Variants in JAKMIP2 observed in about 807,000 individuals in gnomAD.
JAKMIP2 encodes janus kinase and microtubule interacting protein 2.
JAKMIP2 carries 25 observed loss-of-function variants against 115.0 expected under a neutral mutation model. That is an observed-to-expected ratio of 0.22 (90% confidence interval 0.16 to 0.30). The LOEUF is 0.30. JAKMIP2 is among the 10% of genes least tolerant of loss of function. JAKMIP2 has a pLI of 1.00. For synonymous variants in JAKMIP2, 334 were observed against 343.6 expected (o/e 0.97, Z 0.31); for missense variants, 642 against 957.6 (o/e 0.67, Z 4.35).
chr5:147,730,448 A>AT (rs10690155), intron 1 of JAKMIP2, among the ~76,000 whole-genome samples: 27,136 of 145,346 alleles, frequency 0.19, 2,702 homozygotes, highest in Admixed American at 0.26. Flanking sequence ...ATCTTGCCCT[A>AT]TTTTTTTTTT....
At chr5:147,705,932 CAGAGT>C (rs1269524023) in intron 1 of JAKMIP2, among the ~76,000 whole-genome samples, 1 of 152,188 alleles carries the variant, frequency 6.6e-6, no homozygotes, top group Non-Finnish European at 1.5e-5. Flanking sequence ...AAGCTTTCTG[CAGAGT>C]AATCTGGCAA....
At position 147,671,654 on chromosome 5, in the gene JAKMIP2, C is replaced by T. The variant is rs150786128; in HGVS notation, c.129+24G>A. ...ACAGCCAGAGCTGCTCTTAATGCCA[C>T]GACCTCAGGTAGCCCTCGCTCACCT... is the stretch of plus-strand genomic sequence containing the variant. On this transcript the variant is annotated intron_variant, in intron 2 of 21. Transcript: ENST00000616793. The T allele has an allele frequency of 8.1e-4, 1,105 of 1,372,114 alleles. 22 individuals are homozygous for T. The East Asian group carries it at 0.019, about 24-fold the overall frequency. 85.0% of individuals were successfully genotyped at this position (1,372,114 alleles called of 1,614,324 possible).
chr5:147,628,965 C>CA (rs1757234763), intron 15 of JAKMIP2, 149 bp from the exon 16 acceptor site: 1 of 564,254 alleles, frequency 1.8e-6, no homozygotes, highest in Admixed American at 3.0e-5. Context: ...TAATTCTGAA[C>CA]AAAGAGTTAA....
At chr5:147,678,749 C>T (rs1157390974) in intron 1 of JAKMIP2, among the ~76,000 whole-genome samples, 3 of 152,038 alleles carry the variant, frequency 2.0e-5, no homozygotes, top group Admixed American at 6.5e-5. Context: ...ACTTATTTCA[C>T]ATTGCATGCC....
intron 1 of JAKMIP2, among the ~76,000 whole-genome samples, chr5:147,733,716 T>A (rs1753817719): frequency 6.6e-6 from 1 of 152,182 alleles, no homozygotes; most frequent in Admixed American, 6.5e-5. Context: ...CATGCAGTGT[T>A]CGGTTTTCTG....
At chr5:147,731,862 C>T (rs932661943) in intron 1 of JAKMIP2, among the ~76,000 whole-genome samples, 7 of 152,176 alleles carry the variant, frequency 4.6e-5, no homozygotes, top group South Asian at 4.1e-4. Context: ...AGAAACCCGA[C>T]GCAACACATT....
At chr5:147,711,503 C>T (rs918384501) in intron 1 of JAKMIP2, among the ~76,000 whole-genome samples, 1 of 152,124 alleles carries the variant, frequency 6.6e-6, no homozygotes, top group African/African-American at 2.4e-5. Flanking sequence ...AGAGTATAGA[C>T]AGCCTAAAGA....
intron 10 of JAKMIP2, among the ~76,000 whole-genome samples, chr5:147,637,593 C>T (rs1345521746): frequency 1.3e-5 from 2 of 151,930 alleles, no homozygotes; most frequent in Non-Finnish European, 2.9e-5. Flanking sequence ...GCACCGGCCA[C>T]CACGCCCAGC....
At chr5:147,636,074 C>A (rs1433952343) in intron 12 of JAKMIP2, 148 bp downstream of exon 12, 3 of 627,024 alleles carry the variant, frequency 4.8e-6, no homozygotes, top group Admixed American at 5.7e-5. Flanking sequence ...GACAGGGATG[C>A]GGTTGAGCAC....
intron 3 of JAKMIP2, among the ~76,000 whole-genome samples, chr5:147,651,780 T>C (rs150503615): frequency 5.2e-4 from 79 of 152,340 alleles, no homozygotes; most frequent in African/African-American, 1.8e-3. Context: ...TAATATCATC[T>C]GATAACTTGG....
At chr5:147,639,889 T>C in intron 9 of JAKMIP2, 129 bp from the exon 10 acceptor site, 1 of 1,065,232 alleles carries the variant, frequency 9.4e-7, no homozygotes, top group Non-Finnish European at 1.3e-6. Context: ...TTTGATTTTA[T>C]TTTTAGCTCT....
intron 10 of JAKMIP2, 92 bp from the exon 11 acceptor site, chr5:147,637,140 GA>G (rs1757651975): frequency 5.4e-6 from 4 of 741,512 alleles, no homozygotes; most frequent in South Asian, 4.7e-5. Context: ...AGAGAGAGAG[GA>G]AAAAAAGAAG....
At chr5:147,703,161 C>G (rs959187000) in intron 1 of JAKMIP2, among the ~76,000 whole-genome samples, 3 of 151,940 alleles carry the variant, frequency 2.0e-5, no homozygotes, top group Admixed American at 6.6e-5. Context: ...AGGAATGTAT[C>G]TTTTGGTGAT....
At chr5:147,700,433 A>G (rs1355538509) in intron 1 of JAKMIP2, among the ~76,000 whole-genome samples, 3 of 152,272 alleles carry the variant, frequency 2.0e-5, no homozygotes, top group East Asian at 3.9e-4. Flanking sequence ...AAAAAGACAG[A>G]TATTTAAAAT....
intron 19 of JAKMIP2, among the ~76,000 whole-genome samples, chr5:147,612,773 T>C (rs1448328945): frequency 1.3e-5 from 2 of 152,188 alleles, no homozygotes; most frequent in East Asian, 3.9e-4. Flanking sequence ...ATCTCAGAAG[T>C]AGACAGCAAG....
intron 21 of JAKMIP2, among the ~76,000 whole-genome samples, chr5:147,596,424 C>T (rs2126563175): frequency 6.6e-6 from 1 of 152,174 alleles, no homozygotes; most frequent in South Asian, 2.1e-4. Flanking sequence ...TGTTTATGTC[C>T]TCTTTCCTTT....
chr5:147,723,759 T>G, intron 1 of JAKMIP2, among the ~76,000 whole-genome samples: 1 of 152,182 alleles, frequency 6.6e-6, no homozygotes, highest in East Asian at 1.9e-4. Context: ...GCCACATGGC[T>G]TAAAAAGTAC....
chr5:147,775,981 T>G (rs891567249), intron 1 of JAKMIP2, among the ~76,000 whole-genome samples: 15 of 152,262 alleles, frequency 9.9e-5, no homozygotes, highest in African/African-American at 3.6e-4. Flanking sequence ...AACACACAGG[T>G]TGCAGAGAGT....
chr5:147,658,536 G>A (rs998550940), intron 3 of JAKMIP2, among the ~76,000 whole-genome samples: 1 of 152,168 alleles, frequency 6.6e-6, no homozygotes, highest in Non-Finnish European at 1.5e-5. Context: ...CAGAGCTGGT[G>A]CGCTGTGCTG....
Sources: gnomAD v4.1 joint callset for allele counts (sites outside exome capture counted in the v4.1 genomes callset) on GRCh38, gnomAD v4.1.1 for gene constraint, MANE v1.5 for transcripts, NCBI Gene and HGNC (gene_info 2026-07-23, HGNC 2026-07-21) for gene names.